SERP2: variants seen among roughly 807,000 people sequenced by gnomAD.
SERP2 encodes the protein stress associated endoplasmic reticulum protein family member 2.
SERP2 carries 6 observed loss-of-function variants against 9.1 expected under a neutral mutation model. That is an observed-to-expected ratio of 0.66 (90% confidence interval 0.36 to 1.30). The LOEUF is 1.30. SERP2 is among the 50% of genes most tolerant of loss of function. SERP2 has a pLI of 0.03. For missense variants in SERP2, 58 were observed against 81.9 expected, an observed-to-expected ratio of 0.71 and a Z score of 1.13; for synonymous variants, 37 against 27.3, an observed-to-expected ratio of 1.35 and a Z score of -1.10.
At position 44,380,061 on chromosome 13, in the gene SERP2, G is replaced by A. The variant is rs555107152; in HGVS notation, c.157+348G>A. ...TGTGCCTGTGATAAATCCACATTCC[G>A]AGAAAGGGAGAGGCCTTATGCCTTA... On this transcript the variant is annotated intron_variant, in intron 2 of 2. Coordinates refer to ENST00000379179, the MANE Select transcript of SERP2 (RefSeq NM_001010897.3). Among the ~76,000 whole-genome samples the A allele has an allele frequency of 4.2e-4, 64 of 152,240 alleles. 1 individual carries two copies. In the South Asian group the frequency reaches 0.011, roughly 27 times the overall value.
At chr13:44,390,653 G>A (rs1395634842) in intron 2 of SERP2, 5 of 196,486 alleles carry the variant, frequency 2.5e-5, no homozygotes, top group African/African-American at 9.4e-5. Context: ...GCATCTTTCT[G>A]TTATTTTAAT....
intron 2 of SERP2, among the ~76,000 whole-genome samples, chr13:44,395,120 G>C (rs945549603): frequency 6.6e-6 from 1 of 152,218 alleles, no homozygotes; most frequent in Non-Finnish European, 1.5e-5. Context: ...TCTGAGGCAT[G>C]GTAGAAGTAA....
intron 2 of SERP2, among the ~76,000 whole-genome samples, chr13:44,392,020 C>T (rs1872798212): frequency 1.3e-5 from 2 of 151,070 alleles, no homozygotes; most frequent in African/African-American, 4.9e-5. Flanking sequence ...CATAGTGAAA[C>T]CCCGTCTCTA....
intron 2 of SERP2, among the ~76,000 whole-genome samples, chr13:44,395,031 C>G (rs1873004802): frequency 6.6e-6 from 1 of 152,240 alleles, no homozygotes; most frequent in African/African-American, 2.4e-5. Flanking sequence ...CAACCCAATT[C>G]CATCTGATCC....
At chr13:44,395,745 G>C (rs1221816497) in intron 2 of SERP2, 1 of 454,420 alleles carries the variant, frequency 2.2e-6, no homozygotes, top group East Asian at 7.0e-5. Context: ...ACACTCACAT[G>C]GAGCTGATTG....
At chr13:44,381,606 GC>G (rs1176559416) in intron 2 of SERP2, among the ~76,000 whole-genome samples, 2 of 152,310 alleles carry the variant, frequency 1.3e-5, no homozygotes, top group East Asian at 1.9e-4. Flanking sequence ...CACCACAGAG[GC>G]AGTAGGATTG....
chr13:44,384,480 C>T (rs1872204167), intron 2 of SERP2, among the ~76,000 whole-genome samples: 1 of 152,100 alleles, frequency 6.6e-6, no homozygotes, highest in African/African-American at 2.4e-5. Flanking sequence ...ACCTCTGTTC[C>T]AGCTTTGTAA....
intron 2 of SERP2, among the ~76,000 whole-genome samples, chr13:44,382,648 A>C (rs1214123471): frequency 1.5e-4 from 23 of 152,106 alleles, no homozygotes; most frequent in Admixed American, 1.3e-3. Context: ...AAAATATATT[A>C]TTCTTCCAAG....
chr13:44,374,582 A>G (rs1305680346), intron 1 of SERP2, among the ~76,000 whole-genome samples: 3 of 152,158 alleles, frequency 2.0e-5, no homozygotes, highest in African/African-American at 7.2e-5. Flanking sequence ...TGAATGAATG[A>G]ATCAATGGCT....
chr13:44,376,603 C>T (rs1430185540), intron 1 of SERP2, among the ~76,000 whole-genome samples: 5 of 151,952 alleles, frequency 3.3e-5, no homozygotes, highest in Admixed American at 6.6e-5. Flanking sequence ...GGCACAACCC[C>T]GTATCTACTA....
At chr13:44,378,022 A>G (rs955984071) in intron 1 of SERP2, among the ~76,000 whole-genome samples, 1 of 152,252 alleles carries the variant, frequency 6.6e-6, no homozygotes, top group Non-Finnish European at 1.5e-5. Flanking sequence ...CTATCAAGAA[A>G]AAGTATGTGG....
intron 2 of SERP2, among the ~76,000 whole-genome samples, chr13:44,381,140 G>A (rs1218109226): frequency 6.6e-6 from 1 of 151,694 alleles, no homozygotes; most frequent in Non-Finnish European, 1.5e-5. Flanking sequence ...GGGAGACTGA[G>A]GCAGGAGAAT....
Position 44,374,033 on chromosome 13 carries a change from C to T in SERP2, c.8C>T (p.Ala3Val). Residue 3 changes from alanine to valine, a missense_variant, in exon 1 of 3, where the codon GCC becomes GTC. Ala to Val is a moderately conservative substitution (Grantham distance 64). Coordinates refer to ENST00000379179, the MANE Select transcript of SERP2 (RefSeq NM_001010897.3). MVAKQRIRMANEK... is the reference protein window; with the variant it reads MVVKQRIRMANEK... ...TTTCAGAGCGCACAAGCCATGGTGGCCAAACAGCGGATCCGGATGGCTAAC... is the reference window on the plus strand; with the variant it reads ...TTTCAGAGCGCACAAGCCATGGTGGTCAAACAGCGGATCCGGATGGCTAAC... The T allele has an allele frequency of 6.3e-7, 1 of 1,594,416 alleles. No individual in the cohort carries two copies. The highest frequency in any genetic ancestry group is 1.7e-5 in the Admixed American group (1 of 58,600).
chr13:44,396,159 C>T (rs1873090720), intron 2 of SERP2: 2 of 186,666 alleles, frequency 1.1e-5, no homozygotes, highest in African/African-American at 2.4e-5. Context: ...ACTCTTAAAA[C>T]CCAGCTGTCC....
At chr13:44,382,379 G>GT (rs1489363830) in intron 2 of SERP2, among the ~76,000 whole-genome samples, 3 of 141,826 alleles carry the variant, frequency 2.1e-5, no homozygotes, top group African/African-American at 7.7e-5. Flanking sequence ...GGAGCTTGCA[G>GT]TGAGCCGAGA....
chr13:44,374,151 C>CGG, intron 1 of SERP2, 42 bp downstream of exon 1: 1 of 303,956 alleles, frequency 3.3e-6, no homozygotes. Context: ...CCCTGCAGCC[C>CGG]GGCGGGGTGG....
chr13:44,383,546 T>TTTG (rs1350569575), intron 2 of SERP2, among the ~76,000 whole-genome samples: 27 of 112,376 alleles, frequency 2.4e-4, no homozygotes, highest in South Asian at 6.5e-4. Flanking sequence ...AGGTTTGCGT[T>TTTG]TTTTTTGTTT....
At chr13:44,387,037 G>C (rs1396642710) in intron 2 of SERP2, among the ~76,000 whole-genome samples, 1 of 152,166 alleles carries the variant, frequency 6.6e-6, no homozygotes. Context: ...TTTGAAACCT[G>C]CCTCTTTGGA....
chr13:44,377,013 G>A (rs1353194837), intron 1 of SERP2, among the ~76,000 whole-genome samples: 1 of 152,172 alleles, frequency 6.6e-6, no homozygotes, highest in Non-Finnish European at 1.5e-5. Context: ...TCCAGCCATA[G>A]AGTAAGGTTT....
Sources: gnomAD v4.1 joint callset for allele counts (sites outside exome capture counted in the v4.1 genomes callset) on GRCh38, gnomAD v4.1.1 for gene constraint, MANE v1.5 for transcripts, NCBI Gene and HGNC (gene_info 2026-07-23, HGNC 2026-07-21) for gene names.